The following WDPCP variants were observed in gnomAD, a reference collection of about 807,000 sequenced individuals.
The protein encoded by WDPCP is WD repeat containing planar cell polarity effector.
Under a neutral mutation model 93.1 loss-of-function variants are expected in WDPCP, and 71 were observed. The ratio of observed to expected loss-of-function variants is 0.76; its 90% confidence interval spans 0.63 to 0.93. WDPCP has a LOEUF of 0.93. Ranked by LOEUF, WDPCP falls within the 40% of genes least tolerant of loss-of-function variation. WDPCP has a pLI of 0.00. For synonymous variants in WDPCP, 315 were observed against 315.0 expected (o/e 1.00, Z 0.00); for missense variants, 844 against 887.4 (o/e 0.95, Z 0.62).
intron 14 of WDPCP, among the ~76,000 whole-genome samples, chr2:63,257,062 T>C (rs961884306): frequency 6.6e-6 from 1 of 152,154 alleles, no homozygotes; most frequent in Non-Finnish European, 1.5e-5. Flanking sequence ...TCTGTATGCA[T>C]GTTAGACTTC....
chr2:63,271,612 A>G (rs1682658368), intron 13 of WDPCP, among the ~76,000 whole-genome samples: 1 of 152,050 alleles, frequency 6.6e-6, no homozygotes, highest in Non-Finnish European at 1.5e-5. Flanking sequence ...GGGCTTGAAA[A>G]CAGGCCTGCC....
chr2:63,313,121 G>T, intron 13 of WDPCP, 127 bp downstream of exon 13: 1 of 828,480 alleles, frequency 1.2e-6, no homozygotes, highest in Non-Finnish European at 2.0e-6. Flanking sequence ...TGCAAGTCAA[G>T]ATGGAATAAT....
chr2:63,475,229 AC>A (rs1301379991), intron 6 of WDPCP, among the ~76,000 whole-genome samples: 3 of 152,092 alleles, frequency 2.0e-5, no homozygotes, highest in African/African-American at 7.2e-5. Flanking sequence ...TTTTCAGACT[AC>A]CTTTCTAGCC....
At chr2:63,448,540 GAA>G (rs1179671560) in intron 6 of WDPCP, among the ~76,000 whole-genome samples, 1 of 152,002 alleles carries the variant, frequency 6.6e-6, no homozygotes, top group Non-Finnish European at 1.5e-5. Flanking sequence ...AAGCACAGCA[GAA>G]ATCTCTTAGA....
At chr2:63,691,635 C>CA (rs1308005566) in intron 2 of WDPCP, among the ~76,000 whole-genome samples, 3 of 150,390 alleles carry the variant, frequency 2.0e-5, no homozygotes, top group Non-Finnish European at 4.4e-5. Flanking sequence ...AACTCCATCT[C>CA]AAAAAAAGAA....
At position 63,230,796 on chromosome 2, in the gene WDPCP, T is replaced by A. The variant is rs547064368; in HGVS notation, c.1915+28511A>T. 3.9e-5 allele frequency among the ~76,000 whole-genome samples: 6 copies of A among 152,326 alleles called. No individual in the cohort carries two copies. In the East Asian group the frequency reaches 1.2e-3, roughly 29 times the overall value. ...TTTTGATGGGGTTGATTTTTTCTTG[T>A]GAATTTGTTTAAGTTCTTTGTAGAT... On this transcript the variant is annotated intron_variant, in intron 14 of 17. Transcript: ENST00000272321.
At chr2:63,574,953 G>A (rs1707808418) in intron 1 of WDPCP, among the ~76,000 whole-genome samples, 1 of 152,046 alleles carries the variant, frequency 6.6e-6, no homozygotes, top group South Asian at 2.1e-4. Flanking sequence ...TATCATTATT[G>A]AGTTAAATAT....
intron 13 of WDPCP, among the ~76,000 whole-genome samples, chr2:63,308,277 G>T (rs556229722): frequency 1.3e-5 from 2 of 152,262 alleles, no homozygotes; most frequent in South Asian, 2.1e-4. Flanking sequence ...AAATAGAAAC[G>T]TTTTAACGCT....
chr2:63,410,743 T>G (rs1012813524), intron 9 of WDPCP, among the ~76,000 whole-genome samples: 2 of 152,216 alleles, frequency 1.3e-5, no homozygotes, highest in African/African-American at 4.8e-5. Context: ...GGGTAGCTAT[T>G]CTTATATCAG....
chr2:63,603,463 T>C (rs1157647720), intron 3 of WDPCP, among the ~76,000 whole-genome samples: 1 of 152,134 alleles, frequency 6.6e-6, no homozygotes, highest in Non-Finnish European at 1.5e-5. Flanking sequence ...GAAGGAAGAA[T>C]TGCCCACAAT....
chr2:63,332,713 TC>T (rs543598674), intron 12 of WDPCP, among the ~76,000 whole-genome samples: 1 of 152,198 alleles, frequency 6.6e-6, no homozygotes, highest in Non-Finnish European at 1.5e-5. Flanking sequence ...CTTAATGGTG[TC>T]TTTTGAAGAG....
chr2:63,363,628 TAAAAA>T (rs1338288855), intron 12 of WDPCP, among the ~76,000 whole-genome samples: 4 of 152,098 alleles, frequency 2.6e-5, no homozygotes, highest in African/African-American at 9.7e-5. Flanking sequence ...TAATTTTACT[TAAAAA>T]AGAAAAGCGA....
intron 1 of WDPCP, among the ~76,000 whole-genome samples, chr2:63,560,043 C>T (rs1429750185): frequency 6.6e-6 from 1 of 151,954 alleles, no homozygotes; most frequent in African/African-American, 2.4e-5. Flanking sequence ...CCAACCTGAC[C>T]AAACCCTGTC....
intron 12 of WDPCP, among the ~76,000 whole-genome samples, chr2:63,325,927 G>C (rs529481058): frequency 6.6e-6 from 1 of 152,168 alleles, no homozygotes; most frequent in Admixed American, 6.5e-5. Flanking sequence ...ACTCAGACTC[G>C]TGGGACAACC....
intron 6 of WDPCP, among the ~76,000 whole-genome samples, chr2:63,471,927 C>T (rs1289546939): frequency 6.6e-6 from 1 of 151,800 alleles, no homozygotes; most frequent in East Asian, 1.9e-4. Flanking sequence ...GCTTGAATGA[C>T]AATTTAGAAT....
intron 6 of WDPCP, among the ~76,000 whole-genome samples, chr2:63,481,083 T>G (rs1255821041): frequency 6.6e-6 from 1 of 151,734 alleles, no homozygotes; most frequent in African/African-American, 2.4e-5. Context: ...GTTAAGGACA[T>G]GAATGGACAA....
chr2:63,600,723 A>G (rs1709402519), intron 3 of WDPCP, among the ~76,000 whole-genome samples: 1 of 152,174 alleles, frequency 6.6e-6, no homozygotes, highest in Non-Finnish European at 1.5e-5. Flanking sequence ...TTAAAGTGCA[A>G]ATATTCCCTG....
At chr2:63,833,698 T>C in the WDPCP span, among the ~76,000 whole-genome samples, 10 of 152,208 alleles carry the variant, frequency 6.6e-5, no homozygotes, top group Non-Finnish European at 1.5e-5. Flanking sequence ...TCTAGACTGT[T>C]ATCACTTGGG....
intron 2 of WDPCP, among the ~76,000 whole-genome samples, chr2:63,783,366 G>A (rs1670423956): frequency 6.6e-6 from 1 of 152,070 alleles, no homozygotes; most frequent in African/African-American, 2.4e-5. Context: ...GCTGCAGTGA[G>A]ACATGTTCGC....
Sources: gnomAD v4.1 joint callset for allele counts (sites outside exome capture counted in the v4.1 genomes callset) on GRCh38, gnomAD v4.1.1 for gene constraint, MANE v1.5 for transcripts, NCBI Gene and HGNC (gene_info 2026-07-23, HGNC 2026-07-21) for gene names.